Variants in ARHGAP35 observed in about 807,000 individuals in gnomAD.
ARHGAP35 encodes Rho GTPase activating protein 35.
In ARHGAP35, 15 loss-of-function variants were observed where a neutral mutation model predicts 111.1. That is an observed-to-expected ratio of 0.13 (90% CI 0.09 to 0.21). The LOEUF (loss-of-function observed/expected upper bound fraction) is 0.21, where lower values mean the gene tolerates loss of function less well. Ranked by LOEUF, ARHGAP35 falls within the 10% of genes least tolerant of loss-of-function variation. The pLI is 1.00. For missense variants in ARHGAP35, 1,262 were observed against 1,873.0 expected (o/e 0.67, Z 6.02); for synonymous variants, 643 against 710.3 (o/e 0.91, Z 1.51).
chr19:46,914,828 G>A (rs2056155452), intron 1 of ARHGAP35, among the ~76,000 whole-genome samples: 1 of 152,168 alleles, frequency 6.6e-6, no homozygotes, highest in Non-Finnish European at 1.5e-5. Flanking sequence ...TCAGATTTCT[G>A]TGAAGGGATA....
chr19:46,930,691 T>C (rs1277436078), intron 2 of ARHGAP35, among the ~76,000 whole-genome samples: 2 of 151,346 alleles, frequency 1.3e-5, no homozygotes, highest in African/African-American at 4.9e-5. Flanking sequence ...GTTGACAGCG[T>C]AGGGTCAGTA....
Position 46,989,505 on chromosome 19 carries a change from T to G in ARHGAP35, c.3905-39T>G. ...AGTTGTCCTGATGCTTCTGCCTGGC[T>G]TAGAATGGTTTGGCCTCACTCTCCT... is the stretch of plus-strand genomic sequence containing the variant. On this transcript the variant is annotated intron_variant, in intron 4 of 6. Coordinates refer to ENST00000672722, the MANE Select transcript of ARHGAP35 (RefSeq NM_004491.5). The surrounding 1 kb of genome is among the most constrained non-coding windows in gnomAD (Gnocchi z 5.3). 1 of 1,612,078 alleles carries G rather than the reference T, an allele frequency of 6.2e-7. No individual in the cohort carries two copies. The highest frequency in any genetic ancestry group is 1.1e-5 in the South Asian group (1 of 90,864).
chr19:46,994,819 C>T lies in ARHGAP35; in HGVS notation c.4037-4485C>T, dbSNP rs1418134740. Among the ~76,000 whole-genome samples the T allele has an allele frequency of 4.6e-5, 7 of 152,288 alleles. No homozygotes were observed. Among genetic ancestry groups the T allele is most frequent in the Admixed American group, 2.0e-4 (3 of 15,302 alleles). On this transcript the variant is annotated intron_variant, in intron 5 of 6. Coordinates refer to ENST00000672722, the MANE Select transcript of ARHGAP35 (RefSeq NM_004491.5). This position sits in a 1 kb window ranked among gnomAD's most constrained non-coding sequence, Gnocchi z 5.4. ...AAATATCTGCTCCTCCCACCCACTGCGGATGAACAAATGACCCAAGGAGGA... is the reference window on the plus strand; with the variant it reads ...AAATATCTGCTCCTCCCACCCACTGTGGATGAACAAATGACCCAAGGAGGA...
chr19:46,888,260 TAA>T (rs2056003026), intron 1 of ARHGAP35, among the ~76,000 whole-genome samples: 5 of 53,106 alleles, frequency 9.4e-5, no homozygotes, highest in Admixed American at 6.1e-4. Context: ...CCTCAATCAA[TAA>T]TATATATATA....
chr19:46,869,476 T>TTG (rs36048282), intron 1 of ARHGAP35, among the ~76,000 whole-genome samples: 44,847 of 144,074 alleles, frequency 0.31, 6,600 homozygotes, highest in Middle Eastern at 0.45. Context: ...AGAAAAAAAA[T>TTG]TGTGTGTGTG....
chr19:46,888,331 T>TAC lies in ARHGAP35; in HGVS notation c.-189+27123_-189+27124insCA, dbSNP rs1491147921. Among the ~76,000 whole-genome samples the TAC allele has an allele frequency of 2.3e-3, 136 of 59,764 alleles. 7 individuals carry two copies. The highest frequency in any genetic ancestry group is 8.6e-3 in the African/African-American group (126 of 14,586). The allele number at this position is 59,764 out of a possible 152,430, so 39.2% of individuals were successfully genotyped here. A position where few individuals can be genotyped will look rare whatever the true frequency, so the allele number is the denominator to read the frequency against. On this transcript the variant is annotated intron_variant, in intron 1 of 6. Coordinates refer to ENST00000672722, the MANE Select transcript of ARHGAP35 (RefSeq NM_004491.5). ...ATATATATATATAAAATATTGATTT[T>TAC]ATACACACACACACACACACACACA...
At chr19:46,975,820 C>T (rs1269385882) in intron 3 of ARHGAP35, among the ~76,000 whole-genome samples, 1 of 152,200 alleles carries the variant, frequency 6.6e-6, no homozygotes, top group Non-Finnish European at 1.5e-5. Flanking sequence ...TCATAGCCAC[C>T]AGTTCCTAGA....
chr19:47,001,069 C>A lies in ARHGAP35; in HGVS notation c.*381C>A. On this transcript the variant is annotated 3_prime_UTR_variant, in exon 7 of 7. Coordinates refer to ENST00000672722, the MANE Select transcript of ARHGAP35 (RefSeq NM_004491.5). The surrounding 1 kb of genome is among the most constrained non-coding windows in gnomAD (Gnocchi z 5.4). ...CTGGCCTTTGCCGGGGAGGAGGATG[C>A]TCTGAGATTCAGGGTGGGGCTGGCA... 1.5e-6 allele frequency: 2 copies of A among 1,315,526 alleles called. No individual in the cohort carries two copies. Among genetic ancestry groups the A allele is most frequent in the African/African-American group, 3.0e-5 (2 of 67,606 alleles). 81.5% of individuals were successfully genotyped at this position (1,315,526 alleles called of 1,614,324 possible).
intron 1 of ARHGAP35, among the ~76,000 whole-genome samples, chr19:46,885,469 T>C (rs1048600961): frequency 1.5e-4 from 23 of 152,140 alleles, no homozygotes; most frequent in African/African-American, 5.3e-4. Context: ...GAATAATAAA[T>C]TACCCCCACT....
chr19:46,928,033 T>A (rs1309097628), intron 2 of ARHGAP35, among the ~76,000 whole-genome samples: 3 of 152,186 alleles, frequency 2.0e-5, no homozygotes, highest in African/African-American at 7.2e-5. Flanking sequence ...GTTTCTAGCT[T>A]CAGAGCCTAG....
intron 1 of ARHGAP35, among the ~76,000 whole-genome samples, chr19:46,907,351 C>T (rs1197593395): frequency 6.6e-6 from 1 of 151,692 alleles, no homozygotes; most frequent in East Asian, 2.0e-4. Context: ...GGGATTTCAC[C>T]GTGTTAGCCA....
intron 1 of ARHGAP35, among the ~76,000 whole-genome samples, chr19:46,892,468 C>CAAA (rs982546554): frequency 4.5e-5 from 3 of 67,106 alleles, no homozygotes; most frequent in African/African-American, 5.7e-5. Flanking sequence ...AACCCTGTCT[C>CAAA]AAAAAAAAAA....
At chr19:46,956,855 A>T (rs1468962412) in intron 3 of ARHGAP35, among the ~76,000 whole-genome samples, 1 of 151,868 alleles carries the variant, frequency 6.6e-6, no homozygotes. Context: ...ATGTATGCAT[A>T]TATCTTCCTA....
rs2056735652 is a variant in ARHGAP35, at chr19:46,999,761, ATCT to A, written c.4142+356_4142+358del. 1 of 265,510 alleles carries A rather than the reference ATCT, an allele frequency of 3.8e-6. No individual in the cohort carries two copies. Among genetic ancestry groups the A allele is most frequent in the South Asian group, 1.1e-4 (1 of 9,262 alleles). The allele number at this position is 265,510 out of a possible 1,614,324, so 16.4% of individuals were successfully genotyped here. On this transcript the variant is annotated intron_variant, in intron 6 of 6. Coordinates refer to ENST00000672722, the MANE Select transcript of ARHGAP35 (RefSeq NM_004491.5). This position sits in a 1 kb window ranked among gnomAD's most constrained non-coding sequence, Gnocchi z 5.4. ...TCTGGTTGGTACTGATGCTCCAGAA[ATCT>A]TCTCCTGAATCAAAAACACCTCAGA...
intron 3 of ARHGAP35, among the ~76,000 whole-genome samples, chr19:46,987,450 A>C (rs1426021726): frequency 6.6e-6 from 1 of 151,684 alleles, no homozygotes; most frequent in Admixed American, 6.6e-5. Flanking sequence ...CCTGACCTCA[A>C]GTGATCCTCC....
chr19:46,949,642 T>C (rs113246355), intron 3 of ARHGAP35, among the ~76,000 whole-genome samples: 36 of 152,350 alleles, frequency 2.4e-4, no homozygotes, highest in African/African-American at 8.4e-4. Flanking sequence ...GAGTCACAGC[T>C]GACACCCCAC....
intron 1 of ARHGAP35, among the ~76,000 whole-genome samples, chr19:46,894,985 T>C (rs1217488805): frequency 6.6e-6 from 1 of 152,202 alleles, no homozygotes; most frequent in African/African-American, 2.4e-5. Flanking sequence ...TTAGGATTTA[T>C]GTGAATACTG....
At chr19:46,979,644 T>C (rs1212494339) in intron 3 of ARHGAP35, among the ~76,000 whole-genome samples, 3 of 152,182 alleles carry the variant, frequency 2.0e-5, no homozygotes, top group Non-Finnish European at 4.4e-5. Context: ...CCTGGTGCGA[T>C]GTTGCACCTC....
At chr19:46,948,449 G>A (rs1439872874) in intron 3 of ARHGAP35, 3 of 152,122 alleles carry the variant, frequency 2.0e-5, no homozygotes, top group East Asian at 1.9e-4. Flanking sequence ...GAAAACATAC[G>A]TTCACACTAA....
Sources: allele counts gnomAD v4.1 joint callset (sites outside exome capture counted in the v4.1 genomes callset), GRCh38; gene constraint gnomAD v4.1.1; non-coding constraint Gnocchi (gnomAD v3.1); transcripts MANE v1.5; gene names NCBI Gene and HGNC (gene_info 2026-07-23, HGNC 2026-07-21).